The following RSRC1 variants were observed in gnomAD, a reference collection of about 807,000 sequenced individuals.
The protein encoded by RSRC1 is arginine and serine rich coiled-coil 1.
In RSRC1, 39 loss-of-function variants were observed where a neutral mutation model predicts 49.1. The ratio of observed to expected loss-of-function variants is 0.79; its 90% CI spans 0.61 to 1.04. The LOEUF (loss-of-function observed/expected upper bound fraction) is 1.04, where lower values mean the gene tolerates loss of function less well. Among genes scored for constraint, RSRC1 ranks in the 50% least tolerant of loss-of-function variants. The probability of loss-of-function intolerance (pLI) is 0.00; values close to 1 mark genes in which losing one functional copy is unlikely to be tolerated. For synonymous variants in RSRC1, 143 were observed against 130.8 expected, an observed-to-expected ratio of 1.09 and a Z score of -0.63; for missense variants, 388 against 402.4, an observed-to-expected ratio of 0.96 and a Z score of 0.31.
At chr3:158,280,956 T>G (rs1398499669) in intron 4 of RSRC1, among the ~76,000 whole-genome samples, 1 of 152,128 alleles carries the variant, frequency 6.6e-6, no homozygotes, top group Non-Finnish European at 1.5e-5. Context: ...CCAAAGTGAT[T>G]CATTTTTATA....
chr3:158,515,116 C>T (rs1396060024), intron 7 of RSRC1, among the ~76,000 whole-genome samples: 2 of 149,754 alleles, frequency 1.3e-5, no homozygotes, highest in Non-Finnish European at 3.0e-5. Flanking sequence ...AGTCCATTTA[C>T]ATTTAAAGTT....
chr3:158,122,043 T>C, intron 1 of RSRC1, 60 bp from the exon 2 acceptor site: 1 of 918,700 alleles, frequency 1.1e-6, no homozygotes, highest in Admixed American at 3.3e-5. Flanking sequence ...ATTAATATAT[T>C]GCATTTCATC....
intron 4 of RSRC1, among the ~76,000 whole-genome samples, chr3:158,272,148 C>T (rs966930726): frequency 6.6e-5 from 10 of 151,966 alleles, no homozygotes; most frequent in Non-Finnish European, 1.3e-4. Context: ...AGATAAATGC[C>T]CATAAAGGGA....
intron 7 of RSRC1, among the ~76,000 whole-genome samples, chr3:158,521,931 G>A (rs1404959568): frequency 6.6e-6 from 1 of 152,034 alleles, no homozygotes; most frequent in African/African-American, 2.4e-5. Flanking sequence ...TCTAGCAAAT[G>A]TGGGGACTAG....
intron 1 of RSRC1, among the ~76,000 whole-genome samples, chr3:158,112,078 A>G (rs1472715934): frequency 6.6e-6 from 1 of 152,208 alleles, no homozygotes; most frequent in Non-Finnish European, 1.5e-5. Context: ...ACAACCAGGA[A>G]GAACTAGAGT....
At chr3:158,257,761 T>C (rs1413098170) in intron 4 of RSRC1, among the ~76,000 whole-genome samples, 11 of 152,204 alleles carry the variant, frequency 7.2e-5, no homozygotes, top group Non-Finnish European at 1.2e-4. Flanking sequence ...TGATTTTCTT[T>C]GGTGGTTTAT....
intron 5 of RSRC1, among the ~76,000 whole-genome samples, chr3:158,323,426 C>G (rs111354646): frequency 6.6e-6 from 1 of 152,098 alleles, no homozygotes; most frequent in Non-Finnish European, 1.5e-5. Context: ...ACAATTCTCC[C>G]GGACTTCCAA....
At chr3:158,149,158 C>G (rs947215811) in intron 3 of RSRC1, among the ~76,000 whole-genome samples, 2 of 152,138 alleles carry the variant, frequency 1.3e-5, no homozygotes, top group African/African-American at 4.8e-5. Flanking sequence ...CTACTGAGTA[C>G]AGTTTATCTT....
chr3:158,420,303 G>A (rs1371851670), intron 6 of RSRC1, among the ~76,000 whole-genome samples: 1 of 151,924 alleles, frequency 6.6e-6, no homozygotes, highest in Non-Finnish European at 1.5e-5. Context: ...AAACAAATTT[G>A]GTTGAAAGTA....
intron 7 of RSRC1, among the ~76,000 whole-genome samples, chr3:158,473,584 G>A (rs1171964827): frequency 6.6e-6 from 1 of 151,896 alleles, no homozygotes; most frequent in African/African-American, 2.4e-5. Context: ...AATGGGTGCA[G>A]CACACCAACA....
chr3:158,311,665 T>C (rs1364024079), intron 5 of RSRC1, among the ~76,000 whole-genome samples: 1 of 152,072 alleles, frequency 6.6e-6, no homozygotes, highest in Non-Finnish European at 1.5e-5. Flanking sequence ...CTAGAGTTAA[T>C]GATACTGTGT....
chr3:158,159,443 C>T (rs1002915562), intron 3 of RSRC1, among the ~76,000 whole-genome samples: 3 of 152,134 alleles, frequency 2.0e-5, no homozygotes, highest in African/African-American at 7.2e-5. Flanking sequence ...ACAAAATATG[C>T]TTTCACATGC....
chr3:158,439,422 C>T (rs893084363), intron 6 of RSRC1, among the ~76,000 whole-genome samples: 5 of 152,098 alleles, frequency 3.3e-5, no homozygotes, highest in African/African-American at 1.2e-4. Context: ...CCCAAATGTC[C>T]ATCAATGATA....
chr3:158,393,927 T>C (rs547289012), intron 6 of RSRC1, among the ~76,000 whole-genome samples: 3 of 152,114 alleles, frequency 2.0e-5, no homozygotes, highest in Admixed American at 2.0e-4. Context: ...GCAAATGGAA[T>C]CCAATAGCAC....
chr3:158,342,461 A>G (rs893283828), intron 5 of RSRC1, among the ~76,000 whole-genome samples: 1 of 152,066 alleles, frequency 6.6e-6, no homozygotes, highest in Non-Finnish European at 1.5e-5. Context: ...TTCTCTTGCC[A>G]CCACCATGTA....
chr3:158,349,329 A>G (rs184494034), intron 5 of RSRC1, among the ~76,000 whole-genome samples: 4 of 152,192 alleles, frequency 2.6e-5, no homozygotes, highest in African/African-American at 4.8e-5. Flanking sequence ...ATGATTAGCA[A>G]TGTTGAGCAT....
At chr3:158,435,750 A>C (rs1267188223) in intron 6 of RSRC1, among the ~76,000 whole-genome samples, 1 of 151,784 alleles carries the variant, frequency 6.6e-6, no homozygotes, top group Non-Finnish European at 1.5e-5. Context: ...ATGTTTATAC[A>C]TGAGTGCAGA....
At chr3:158,490,207 C>G (rs1228473137) in intron 7 of RSRC1, among the ~76,000 whole-genome samples, 3 of 152,176 alleles carry the variant, frequency 2.0e-5, no homozygotes, top group Admixed American at 2.0e-4. Context: ...GCCTCAGCCT[C>G]CCGAGTAGTT....
At chr3:158,364,678 A>AGT (rs1731659130) in intron 6 of RSRC1, among the ~76,000 whole-genome samples, 2 of 152,002 alleles carry the variant, frequency 1.3e-5, no homozygotes, top group African/African-American at 4.8e-5. Context: ...AGTAAGTATG[A>AGT]AAGACAATAT....
Sources: allele counts gnomAD v4.1 joint callset (sites outside exome capture counted in the v4.1 genomes callset), GRCh38; gene constraint gnomAD v4.1.1; transcripts MANE v1.5; gene names NCBI Gene and HGNC (gene_info 2026-07-23, HGNC 2026-07-21).